ALDH5A1: variants seen among roughly 807,000 people sequenced by gnomAD.
ALDH5A1 encodes succinate-semialdehyde dehydrogenase, mitochondrial.
A neutral mutation model predicts 54.7 loss-of-function variants in ALDH5A1; 33 were observed. The observed-to-expected ratio is 0.60, with a 90% CI of 0.46 to 0.81. ALDH5A1 has a LOEUF of 0.81. Among genes scored for constraint, ALDH5A1 ranks in the 30% least tolerant of loss-of-function variants. ALDH5A1 has a pLI of 0.00. For missense variants in ALDH5A1, 657 were observed against 711.0 expected (o/e 0.92, Z 0.86); for synonymous variants, 294 against 292.7 (o/e 1.00, Z -0.05).
chr6:24,500,657 A>AAT (rs1421605787), intron 1 of ALDH5A1, among the ~76,000 whole-genome samples: 1 of 141,884 alleles, frequency 7.0e-6, no homozygotes, highest in African/African-American at 2.9e-5. Flanking sequence ...AAATAATAAT[A>AAT]ATAATAATAA....
At chr6:24,508,639 G>A (rs1161014596) in intron 4 of ALDH5A1, among the ~76,000 whole-genome samples, 3 of 151,608 alleles carry the variant, frequency 2.0e-5, no homozygotes, top group African/African-American at 7.3e-5. Context: ...ATACCCAGTA[G>A]TGGGGTTGCT....
chr6:24,530,079 T>C (rs1759899922), intron 8 of ALDH5A1, among the ~76,000 whole-genome samples: 1 of 152,262 alleles, frequency 6.6e-6, no homozygotes, highest in Non-Finnish European at 1.5e-5. Flanking sequence ...AAGTAGTCTA[T>C]TATTGTGATA....
chr6:24,502,154 G>A (rs1764834073), intron 1 of ALDH5A1, among the ~76,000 whole-genome samples: 2 of 152,132 alleles, frequency 1.3e-5, no homozygotes, highest in African/African-American at 4.8e-5. Flanking sequence ...AATGTCTGGT[G>A]TCTGACAACA....
intron 7 of ALDH5A1, among the ~76,000 whole-genome samples, chr6:24,524,142 C>T (rs1030708294): frequency 6.6e-6 from 1 of 152,000 alleles, no homozygotes; most frequent in African/African-American, 2.4e-5. Context: ...CCCACCACCA[C>T]GCCTGGCTAC....
intron 4 of ALDH5A1, among the ~76,000 whole-genome samples, chr6:24,513,262 A>G (rs1377431888): frequency 6.6e-6 from 1 of 151,844 alleles, no homozygotes; most frequent in Non-Finnish European, 1.5e-5. Flanking sequence ...ATAGGGTCTC[A>G]CTATGTTGCG....
At chr6:24,516,455 A>AAAAC (rs1554137282) in intron 5 of ALDH5A1, among the ~76,000 whole-genome samples, 26 of 139,192 alleles carry the variant, frequency 1.9e-4, no homozygotes, top group Admixed American at 3.0e-4. Flanking sequence ...AAAAAAAAAA[A>AAAAC]AAAATTAAAA....
At chr6:24,495,710 C>T (rs1027427061) in intron 1 of ALDH5A1, among the ~76,000 whole-genome samples, 2 of 152,104 alleles carry the variant, frequency 1.3e-5, no homozygotes, top group Non-Finnish European at 1.5e-5. Context: ...AGTGAGAGCA[C>T]GTGTGGCCCT....
At chr6:24,533,370 G>T in intron 9 of ALDH5A1, 137 bp from the exon 10 acceptor site, 1 of 880,898 alleles carries the variant, frequency 1.1e-6, no homozygotes. Context: ...AGACCAACCT[G>T]GGACTTTATC....
Position 24,495,303 on chromosome 6 carries a change from C to A in ALDH5A1, c.307C>A (p.Arg103Ser). The A allele has an allele frequency of 1.3e-6, 2 of 1,533,228 alleles. No homozygotes were observed. The highest frequency in any genetic ancestry group is 8.7e-7 in the Non-Finnish European group (1 of 1,146,452). The allele number at this position is 1,533,228 out of a possible 1,614,324, so 95.0% of individuals were successfully genotyped here. A position where few individuals can be genotyped will look rare whatever the true frequency, so the allele number is the denominator to read the frequency against. Residue 103 changes from arginine to serine, a missense_variant, in exon 1 of 10, where the codon CGC (arginine) becomes AGC (serine). Coordinates refer to ENST00000357578, the MANE Select transcript of ALDH5A1 (RefSeq NM_001080.3). ...CGVREARAAV[R>S]AAYEAFCRWR... Reference sequence around the variant, plus strand: ...GGTGCGAGAGGCCCGCGCCGCCGTGCGCGCTGCCTACGAGGCTTTCTGCCG... The same window carrying A: ...GGTGCGAGAGGCCCGCGCCGCCGTGAGCGCTGCCTACGAGGCTTTCTGCCG...
At chr6:24,504,346 C>A (rs1759288226) in intron 3 of ALDH5A1, among the ~76,000 whole-genome samples, 2 of 152,148 alleles carry the variant, frequency 1.3e-5, no homozygotes, top group Non-Finnish European at 2.9e-5. Context: ...TATGTATAGG[C>A]ATTTATAAAT....
intron 1 of ALDH5A1, among the ~76,000 whole-genome samples, chr6:24,496,600 C>T (rs941437): frequency 0.84 from 127,451 of 152,106 alleles, 54,113 homozygotes; most frequent in Non-Finnish European, 0.92. Flanking sequence ...GAGAGCTCAG[C>T]TTTTGTCTTT....
At chr6:24,525,002 A>G (rs919774539) in intron 7 of ALDH5A1, among the ~76,000 whole-genome samples, 2 of 152,184 alleles carry the variant, frequency 1.3e-5, no homozygotes, top group Non-Finnish European at 2.9e-5. Flanking sequence ...TGTCCTCCAG[A>G]TGGTGCTGTA....
chr6:24,512,004 T>A (rs1759470259), intron 4 of ALDH5A1: 3 of 398,454 alleles, frequency 7.5e-6, no homozygotes, highest in African/African-American at 4.1e-5. Flanking sequence ...TTGTTCAGAT[T>A]CTTTTGTCCC....
intron 1 of ALDH5A1, among the ~76,000 whole-genome samples, chr6:24,499,876 G>T (rs1428763284): frequency 6.6e-6 from 1 of 152,048 alleles, no homozygotes; most frequent in Non-Finnish European, 1.5e-5. Flanking sequence ...AGCCAGGATG[G>T]TCTGGATCTC....
chr6:24,532,075 C>A (rs768055262), intron 8 of ALDH5A1, 44 bp from the exon 9 acceptor site: 2 of 1,581,208 alleles, frequency 1.3e-6, no homozygotes, highest in East Asian at 4.5e-5. Flanking sequence ...GGTTTCCTTT[C>A]CTCTCCCCCT....
At chr6:24,521,386 G>A (rs190065470) in intron 6 of ALDH5A1, among the ~76,000 whole-genome samples, 1 of 152,358 alleles carries the variant, frequency 6.6e-6, no homozygotes, top group East Asian at 1.9e-4. Context: ...CTGAGGAGCT[G>A]GGACTCTGAG....
chr6:24,496,574 C>T (rs945571056), intron 1 of ALDH5A1, among the ~76,000 whole-genome samples: 2 of 152,172 alleles, frequency 1.3e-5, no homozygotes, highest in Non-Finnish European at 2.9e-5. Flanking sequence ...CTTCTAAGGC[C>T]TCTCATTGGC....
At chr6:24,501,490 G>A (rs568355638) in intron 1 of ALDH5A1, among the ~76,000 whole-genome samples, 17 of 152,252 alleles carry the variant, frequency 1.1e-4, no homozygotes, top group East Asian at 9.6e-4. Context: ...AGCCAGTCTC[G>A]TGGATGGAAA....
chr6:24,512,016 C>T (rs1201619087), intron 4 of ALDH5A1: 6 of 393,596 alleles, frequency 1.5e-5, no homozygotes, highest in Non-Finnish European at 2.2e-5. Context: ...TTTTGTCCCA[C>T]GGGATGTTCC....
Sources: gnomAD v4.1 joint callset for allele counts (sites outside exome capture counted in the v4.1 genomes callset) on GRCh38, gnomAD v4.1.1 for gene constraint, MANE v1.5 for transcripts, NCBI Gene and HGNC (gene_info 2026-07-23, HGNC 2026-07-21) for gene names.